The following FBRSL1 variants were observed in gnomAD, a reference collection of about 807,000 sequenced individuals.
The protein encoded by FBRSL1 is fibrosin like 1.
Under a neutral mutation model 89.6 loss-of-function variants are expected in FBRSL1, and 51 were observed. The ratio of observed to expected loss-of-function variants is 0.57; its 90% CI spans 0.45 to 0.72. The LOEUF (loss-of-function observed/expected upper bound fraction) is 0.72. FBRSL1 is among the 30% of genes least tolerant of loss of function. The pLI, the probability that FBRSL1 is intolerant of heterozygous loss-of-function variation, is 0.00. For missense variants in FBRSL1, 1,618 were observed against 1,451.8 expected (o/e 1.11, Z -1.86); for synonymous variants, 779 against 681.1 (o/e 1.14, Z -2.24).
chr12:132,536,090 G>GGT (rs56666219), intron 4 of FBRSL1, among the ~76,000 whole-genome samples: 26 of 151,144 alleles, frequency 1.7e-4, no homozygotes, highest in Middle Eastern at 3.4e-3. Flanking sequence ...GTGTGTACAT[G>GGT]GTGTGTGTGT....
At chr12:132,529,308 C>A (rs2036057510) in intron 4 of FBRSL1, among the ~76,000 whole-genome samples, 1 of 152,246 alleles carries the variant, frequency 6.6e-6, no homozygotes. Context: ...TGTCCCACAG[C>A]TTCTGCTGGT....
intron 1 of FBRSL1, 53 bp downstream of exon 1, chr12:132,490,914 G>A (rs1354941374): frequency 2.6e-6 from 3 of 1,165,740 alleles, no homozygotes; most frequent in African/African-American, 3.4e-5. Flanking sequence ...GGGGCCCGGA[G>A]TTGACGCGTC....
intron 14 of FBRSL1, 57 bp from the exon 15 acceptor site, chr12:132,576,742 C>T (rs1355996924): frequency 6.6e-7 from 1 of 1,517,614 alleles, no homozygotes; most frequent in Admixed American, 2.0e-5. Context: ...GGCCTGGGCT[C>T]CCTGTGTTCA....
At chr12:132,549,204 G>T (rs528953926) in intron 5 of FBRSL1, among the ~76,000 whole-genome samples, 1 of 152,330 alleles carries the variant, frequency 6.6e-6, no homozygotes, top group East Asian at 1.9e-4. Context: ...CGTGTGGGCC[G>T]CAGTGCCGGG....
chr12:132,531,685 T>TGTGTTGTGCACGTGGCGTTGC (rs1216307961), intron 4 of FBRSL1, among the ~76,000 whole-genome samples: 7 of 150,508 alleles, frequency 4.7e-5, no homozygotes, highest in Non-Finnish European at 7.4e-5. Flanking sequence ...CGTGGCGTTG[T>TGTGTTGTGCACGTGGCGTTGC]GTGTTGTGCA....
At chr12:132,503,478 G>T (rs1232769727) in intron 1 of FBRSL1, among the ~76,000 whole-genome samples, 3 of 152,046 alleles carry the variant, frequency 2.0e-5, no homozygotes, top group Admixed American at 1.3e-4. Flanking sequence ...GGGAGATGTG[G>T]GGGCTGTCGC....
At chr12:132,575,628 G>A (rs748146827) in intron 14 of FBRSL1, among the ~76,000 whole-genome samples, 3 of 152,184 alleles carry the variant, frequency 2.0e-5, no homozygotes, top group Non-Finnish European at 2.9e-5. Flanking sequence ...CGGCAGAGTC[G>A]GGAGACCTCA....
chr12:132,511,204 A>C (rs979293610), intron 2 of FBRSL1: 1 of 984,154 alleles, frequency 1.0e-6, no homozygotes, highest in Non-Finnish European at 1.2e-6. Context: ...ACCTCTCAGG[A>C]CTCTGCCTCC....
rs1458024576 is a variant in FBRSL1 at position 132,582,166 on chromosome 12, C to T, written c.2101C>T (p.Pro701Ser). ...ACTGCACCGGGCACCGCCCTCCTTC[C>T]CGGCTCCGCCCCCGTGGCCCAAGTC... ...NRLHRAPPSF[P>S]APPPWPKSVD... The change falls in exon 18 of 19, where the codon CCG becomes TCG. Residue 701 changes from proline (P) to serine (S), a missense_variant. Physicochemically the swap from Pro to Ser is moderately conservative, Grantham distance 74 (BLOSUM62 -1). Transcript: ENST00000680143. 1.3e-6 allele frequency: 2 copies of T among 1,549,998 alleles called. No individual in the cohort carries two copies. The highest frequency in any genetic ancestry group is 1.7e-6 in the Non-Finnish European group (2 of 1,146,854).
At chr12:132,517,146 G>A (rs1402223574) in intron 2 of FBRSL1, among the ~76,000 whole-genome samples, 2 of 152,216 alleles carry the variant, frequency 1.3e-5, no homozygotes, top group Admixed American at 6.5e-5. Flanking sequence ...TTAGACACTG[G>A]GCCTGGGCCT....
At chr12:132,545,617 G>A (rs913738225) in intron 4 of FBRSL1, among the ~76,000 whole-genome samples, 5 of 152,316 alleles carry the variant, frequency 3.3e-5, no homozygotes, top group African/African-American at 9.6e-5. Context: ...GGGGAGATCC[G>A]TAACCAGGTC....
chr12:132,545,920 C>T (rs1190122119), intron 4 of FBRSL1, among the ~76,000 whole-genome samples: 1 of 152,226 alleles, frequency 6.6e-6, no homozygotes, highest in Non-Finnish European at 1.5e-5. Flanking sequence ...TAGAAGGGCA[C>T]CTGACTCCCC....
In FBRSL1 at chr12:132,584,097, T is replaced by A. The variant is rs1174504068; in HGVS notation, c.*319T>A. 1.3e-5 allele frequency: 2 copies of A among 155,554 alleles called. No homozygotes were observed. The highest frequency in any genetic ancestry group is 2.8e-5 in the Non-Finnish European group (2 of 70,328). 9.6% of individuals were successfully genotyped at this position (155,554 alleles called of 1,614,324 possible). A position where few individuals can be genotyped will look rare whatever the true frequency, so the allele number is the denominator to read the frequency against. On this transcript the variant is annotated 3_prime_UTR_variant, in exon 19 of 19. Transcript: ENST00000680143. ...AAAGAACCAAAAAAGAAACTTTTGCTTCTTCGTTTTCGGTTGGGATTTGCA... is the reference window on the plus strand; with the variant it reads ...AAAGAACCAAAAAAGAAACTTTTGCATCTTCGTTTTCGGTTGGGATTTGCA...
intron 18 of FBRSL1, among the ~76,000 whole-genome samples, 170 bp from the exon 19 acceptor site, chr12:132,582,801 G>A (rs1185622258): frequency 1.3e-5 from 2 of 152,122 alleles, no homozygotes; most frequent in African/African-American, 4.8e-5. Context: ...CCAGCGGGGA[G>A]AGGACGCGTA....
chr12:132,506,134 T>G (rs1450570482), intron 1 of FBRSL1, among the ~76,000 whole-genome samples: 1 of 148,358 alleles, frequency 6.7e-6, no homozygotes, highest in Non-Finnish European at 1.5e-5. Flanking sequence ...GCAGGACAGA[T>G]GGACATTCTG....
intron 5 of FBRSL1, among the ~76,000 whole-genome samples, chr12:132,549,718 C>T (rs1293399405): frequency 6.6e-6 from 1 of 152,176 alleles, no homozygotes; most frequent in Non-Finnish European, 1.5e-5. Flanking sequence ...GCGATGCCGG[C>T]GGGGAAGGCT....
chr12:132,517,280 C>T (rs768962704), intron 2 of FBRSL1, among the ~76,000 whole-genome samples: 8 of 152,222 alleles, frequency 5.3e-5, no homozygotes, highest in East Asian at 1.9e-4. Context: ...CTGGGGGCCA[C>T]GCCGGCCAGG....
rs72443894 is a variant in FBRSL1, at chr12:132,584,819, T to TACACAC, written c.*1069_*1074dup. On this transcript the variant is annotated 3_prime_UTR_variant, in exon 19 of 19. Coordinates refer to ENST00000680143, the MANE Select transcript of FBRSL1 (RefSeq NM_001367871.1). ...AGTGCAAGAGTCTAAAGGCTGATTT[T>TACACAC]ACACACACACACACACACACACACA... 0.064 allele frequency: 6,359 copies of TACACAC among 99,460 alleles called. 142 individuals carry two copies. Among genetic ancestry groups the TACACAC allele is most frequent in the South Asian group, 0.099 (306 of 3,098 alleles). 6.2% of individuals were successfully genotyped at this position (99,460 alleles called of 1,614,324 possible). A position where few individuals can be genotyped will look rare whatever the true frequency, so the allele number is the denominator to read the frequency against.
At chr12:132,494,914 A>G (rs2031740140) in intron 1 of FBRSL1, among the ~76,000 whole-genome samples, 1 of 152,126 alleles carries the variant, frequency 6.6e-6, no homozygotes. Context: ...TGCACCCAAA[A>G]TGCTGCTGAA....
Sources: allele counts gnomAD v4.1 joint callset (sites outside exome capture counted in the v4.1 genomes callset), GRCh38; gene constraint gnomAD v4.1.1; transcripts MANE v1.5; gene names NCBI Gene and HGNC (gene_info 2026-07-23, HGNC 2026-07-21).